DNM3: variants seen among roughly 807,000 people sequenced by gnomAD.
DNM3 encodes dynamin-3.
In DNM3, 47 loss-of-function variants were observed where a neutral mutation model predicts 101.6. The ratio of observed to expected loss-of-function variants is 0.46; its 90% CI spans 0.37 to 0.59. The LOEUF is 0.59. Ranked by LOEUF, DNM3 falls within the 20% of genes least tolerant of loss-of-function variation. The pLI is 0.00. For missense variants in DNM3, 849 were observed against 1,085.7 expected (o/e 0.78, Z 3.06); for synonymous variants, 385 against 387.9 (o/e 0.99, Z 0.09).
chr1:172,345,176 C>T (rs572748117), intron 17 of DNM3, among the ~76,000 whole-genome samples: 425 of 152,308 alleles, frequency 2.8e-3, no homozygotes, highest in African/African-American at 9.7e-3. Flanking sequence ...AGTTCAGAGG[C>T]ATTAGCCTGA....
chr1:172,077,112 T>C (rs2052723122), intron 11 of DNM3, among the ~76,000 whole-genome samples: 1 of 152,228 alleles, frequency 6.6e-6, no homozygotes, highest in Non-Finnish European at 1.5e-5. Flanking sequence ...TAGAGGTGTT[T>C]ATAGTATTCT....
At chr1:172,234,614 C>G (rs12405500) in intron 14 of DNM3, among the ~76,000 whole-genome samples, 25,256 of 152,028 alleles carry the variant, frequency 0.17, 2,444 homozygotes, top group East Asian at 0.28. Flanking sequence ...GGAGGCATCA[C>G]GCTACCTGAC....
In DNM3 at chr1:172,176,014, G is replaced by A. The variant is rs528615752; in HGVS notation, c.1659+44726G>A. ...AAGTAATCCCTCCAACCCTCCCAAG[G>A]GTGTCCATATTTGAATCCGTAGAAC... On this transcript the variant is annotated intron_variant, in intron 14 of 20. Transcript: ENST00000627582. Among the ~76,000 whole-genome samples, 20 of 151,738 alleles carry A rather than the reference G, an allele frequency of 1.3e-4. No individual in the cohort carries two copies. In the South Asian group the frequency reaches 3.9e-3, roughly 30 times the overall value.
chr1:171,856,570 C>T (rs973736794), intron 1 of DNM3, among the ~76,000 whole-genome samples: 1 of 152,098 alleles, frequency 6.6e-6, no homozygotes. Context: ...TTGTAGTTCT[C>T]ATTGTAGAGA....
chr1:172,223,691 A>G lies in DNM3; in HGVS notation c.1660-29882A>G, dbSNP rs577889092. 9.2e-5 allele frequency among the ~76,000 whole-genome samples: 14 copies of G among 152,222 alleles called. No homozygotes were observed. The East Asian group carries it at 2.7e-3, about 29-fold the overall frequency. On this transcript the variant is annotated intron_variant, in intron 14 of 20. Transcript: ENST00000627582. ...CCATCATTCAATCTCTGTTTTACCTACTAAATAGTTTTTAAATACATATAC... is the reference window on the plus strand; with the variant it reads ...CCATCATTCAATCTCTGTTTTACCTGCTAAATAGTTTTTAAATACATATAC...
chr1:172,129,586 G>A (rs144360948), intron 13 of DNM3, among the ~76,000 whole-genome samples: 9 of 152,246 alleles, frequency 5.9e-5, no homozygotes, highest in East Asian at 5.8e-4. Flanking sequence ...GACAAGTCAC[G>A]TCTTACATGG....
chr1:171,913,820 A>G (rs1177036947), intron 1 of DNM3, among the ~76,000 whole-genome samples: 1 of 151,286 alleles, frequency 6.6e-6, no homozygotes, highest in African/African-American at 2.4e-5. Flanking sequence ...ACAGAGTTTC[A>G]CTCTGTCACC....
intron 20 of DNM3, among the ~76,000 whole-genome samples, chr1:172,400,098 G>A (rs904825412): frequency 7.9e-5 from 12 of 152,078 alleles, no homozygotes; most frequent in Admixed American, 6.6e-4. Context: ...ACAGAGATTC[G>A]AAGTGTTGCC....
intron 14 of DNM3, among the ~76,000 whole-genome samples, chr1:172,234,773 G>C (rs1367929895): frequency 6.6e-6 from 1 of 152,046 alleles, no homozygotes; most frequent in Non-Finnish European, 1.5e-5. Flanking sequence ...TTAATAAATG[G>C]TGCTGGGAAA....
At chr1:172,004,105 A>G (rs1232903430) in intron 4 of DNM3, among the ~76,000 whole-genome samples, 1 of 152,092 alleles carries the variant, frequency 6.6e-6, no homozygotes, top group Non-Finnish European at 1.5e-5. Flanking sequence ...AATAATTGGA[A>G]AGACAGACTG....
At chr1:172,274,057 C>T (rs1342564666) in intron 15 of DNM3, among the ~76,000 whole-genome samples, 6 of 151,982 alleles carry the variant, frequency 3.9e-5, no homozygotes, top group Non-Finnish European at 8.8e-5. Flanking sequence ...TTTCAAGTCC[C>T]CTACACACTG....
chr1:172,147,017 G>A (rs746626748), intron 14 of DNM3, among the ~76,000 whole-genome samples: 5 of 152,108 alleles, frequency 3.3e-5, no homozygotes, highest in Non-Finnish European at 7.4e-5. Flanking sequence ...TCCAGAGACA[G>A]CTATAGAAAT....
intron 14 of DNM3, chr1:172,144,723 C>A: frequency 2.2e-6 from 1 of 447,290 alleles, no homozygotes; most frequent in Non-Finnish European, 4.6e-6. Flanking sequence ...AGCTTTCCCC[C>A]CTGAATTCTG....
At chr1:172,308,618 G>A (rs1198698294) in intron 15 of DNM3, 110 bp from the exon 16 acceptor site, 1 of 462,030 alleles carries the variant, frequency 2.2e-6, no homozygotes, top group Non-Finnish European at 3.7e-6. Flanking sequence ...GTGACTGTCA[G>A]AAACTGTCCA....
At chr1:171,979,602 A>G (rs1393539883) in intron 2 of DNM3, among the ~76,000 whole-genome samples, 1 of 152,192 alleles carries the variant, frequency 6.6e-6, no homozygotes, top group Non-Finnish European at 1.5e-5. Flanking sequence ...TACTTGTGGT[A>G]GAATATTCTG....
rs1165249284 is a variant in DNM3, at chr1:172,164,227, C to CTT, written c.1659+32942_1659+32943dup. ...TCCTTTTCTCTCTCTATTTTCTTTT[C>CTT]TTTTCTTTTTTTTTTTTTTTGAGGC... is the stretch of plus-strand genomic sequence containing the variant. On this transcript the variant is annotated intron_variant, in intron 14 of 20. Coordinates refer to ENST00000627582, the MANE Select transcript of DNM3 (RefSeq NM_015569.5). Among the ~76,000 whole-genome samples the CTT allele has an allele frequency of 1.0e-3, 105 of 102,446 alleles. 1 individual carries two copies. Among genetic ancestry groups the CTT allele is most frequent in the African/African-American group, 4.5e-3 (96 of 21,182 alleles). The allele number at this position is 102,446 out of a possible 152,430, so 67.2% of individuals were successfully genotyped here.
At chr1:172,364,462 A>G (rs370683657) in intron 17 of DNM3, among the ~76,000 whole-genome samples, 100 of 152,080 alleles carry the variant, frequency 6.6e-4, no homozygotes, top group African/African-American at 2.2e-3. Context: ...AGAGCACATT[A>G]AATGATATGC....
intron 14 of DNM3, among the ~76,000 whole-genome samples, chr1:172,173,841 T>A (rs995563751): frequency 6.6e-6 from 1 of 151,696 alleles, no homozygotes; most frequent in East Asian, 1.9e-4. Context: ...GCGGTGAACA[T>A]AAAGCATATT....
intron 4 of DNM3, among the ~76,000 whole-genome samples, chr1:172,014,729 T>A (rs1025669038): frequency 1.3e-5 from 2 of 152,178 alleles, no homozygotes; most frequent in African/African-American, 4.8e-5. Context: ...AATTGTTTTC[T>A]TCTAGTCTGT....
Sources: allele counts gnomAD v4.1 joint callset (sites outside exome capture counted in the v4.1 genomes callset), GRCh38; gene constraint gnomAD v4.1.1; transcripts MANE v1.5; gene names NCBI Gene and HGNC (gene_info 2026-07-23, HGNC 2026-07-21).